LRRC1: variants seen among roughly 807,000 people sequenced by gnomAD.
LRRC1 encodes leucine rich repeat containing 1.
In LRRC1, 28 loss-of-function variants were observed where a neutral mutation model predicts 69.9. That is an observed-to-expected ratio of 0.40 (90% CI 0.30 to 0.55). The LOEUF is 0.55. Among genes scored for constraint, LRRC1 ranks in the 20% least tolerant of loss-of-function variants. The probability of loss-of-function intolerance (pLI) is 0.47; values close to 1 mark genes in which losing one functional copy is unlikely to be tolerated. For missense variants in LRRC1, 498 were observed against 609.0 expected (o/e 0.82, Z 1.92); for synonymous variants, 236 against 240.2 (o/e 0.98, Z 0.16).
chr6:53,853,196 G>C (rs904445069), intron 2 of LRRC1, among the ~76,000 whole-genome samples: 2 of 151,652 alleles, frequency 1.3e-5, no homozygotes, highest in African/African-American at 4.8e-5. Context: ...CCTTTTAATA[G>C]TATCACATTG....
chr6:53,887,100 C>T (rs1767511516), intron 4 of LRRC1, among the ~76,000 whole-genome samples: 1 of 152,078 alleles, frequency 6.6e-6, no homozygotes, highest in Admixed American at 6.5e-5. Flanking sequence ...ATGCTAGGAC[C>T]ACTTTAGCCT....
At chr6:53,907,508 T>G (rs1414578938) in intron 10 of LRRC1, among the ~76,000 whole-genome samples, 1 of 152,212 alleles carries the variant, frequency 6.6e-6, no homozygotes, top group African/African-American at 2.4e-5. Context: ...TTTTGTGGTG[T>G]TATTTGTAGT....
chr6:53,863,191 A>G (rs1286724465), intron 2 of LRRC1, among the ~76,000 whole-genome samples: 1 of 151,936 alleles, frequency 6.6e-6, no homozygotes, highest in African/African-American at 2.4e-5. Flanking sequence ...CCAGGTCTGG[A>G]TTCATGGTTT....
At chr6:53,891,257 GT>G (rs201091031) in intron 4 of LRRC1, among the ~76,000 whole-genome samples, 2 of 150,972 alleles carry the variant, frequency 1.3e-5, no homozygotes, top group African/African-American at 2.4e-5. Context: ...AGAAAGTCAT[GT>G]TTTTTTTTGG....
intron 1 of LRRC1, among the ~76,000 whole-genome samples, chr6:53,830,510 G>T (rs561509102): frequency 7.9e-5 from 12 of 152,314 alleles, no homozygotes; most frequent in Admixed American, 6.5e-4. Flanking sequence ...GAGCCAAAAT[G>T]TGGTGATCAG....
Position 53,904,448 on chromosome 6 carries a change from T to G in LRRC1, c.976T>G (p.Ser326Ala). 1 of 1,607,958 alleles carries G rather than the reference T, an allele frequency of 6.2e-7. No individual in the cohort carries two copies. The change falls in exon 10 of 14, where the codon TCC becomes GCC. Residue 326 changes from serine (S) to alanine (A), a missense_variant. Ser to Ala is a moderately conservative substitution (Grantham distance 99). Coordinates refer to ENST00000370888, the MANE Select transcript of LRRC1 (RefSeq NM_018214.5). ...NLNADRNKLVSLPKEIGGCCS... is the reference protein window; with the variant it reads ...NLNADRNKLVALPKEIGGCCS... ...GAATGCAGACAGAAATAAATTAGTG[T>G]CCTTACCAAAAGAGGTATGTGCTTT... is the stretch of plus-strand genomic sequence containing the variant.
At chr6:53,853,340 A>C (rs952032905) in intron 2 of LRRC1, among the ~76,000 whole-genome samples, 1 of 147,502 alleles carries the variant, frequency 6.8e-6, no homozygotes, top group African/African-American at 2.6e-5. Flanking sequence ...GCTGGAGCGC[A>C]ATGGTGTGAT....
chr6:53,795,939 T>C (rs145443895), intron 1 of LRRC1, among the ~76,000 whole-genome samples: 29 of 152,348 alleles, frequency 1.9e-4, no homozygotes, highest in Non-Finnish European at 4.0e-4. Flanking sequence ...AGGAATGTGC[T>C]CCGTGCTTTA....
At chr6:53,909,410 A>G (rs745603804) in intron 10 of LRRC1, among the ~76,000 whole-genome samples, 5 of 152,236 alleles carry the variant, frequency 3.3e-5, no homozygotes, top group Non-Finnish European at 4.4e-5. Flanking sequence ...GTGGTCCATA[A>G]AAGTCCTCTT....
chr6:53,882,771 AT>A, intron 3 of LRRC1, 115 bp from the exon 4 acceptor site: 1 of 622,148 alleles, frequency 1.6e-6, no homozygotes, highest in Non-Finnish European at 2.7e-6. Context: ...ATATAATGTC[AT>A]TTTTAGGAGG....
chr6:53,796,121 G>C (rs1562018977), intron 1 of LRRC1, among the ~76,000 whole-genome samples: 1 of 152,226 alleles, frequency 6.6e-6, no homozygotes. Context: ...CGTCAGCGGA[G>C]GCTCTGCCCG....
chr6:53,829,237 C>T (rs1344670032), intron 1 of LRRC1, among the ~76,000 whole-genome samples: 1 of 152,160 alleles, frequency 6.6e-6, no homozygotes, highest in Non-Finnish European at 1.5e-5. Flanking sequence ...GGTAATCTCT[C>T]TGTGCTTCAG....
chr6:53,822,361 C>G (rs769705072), intron 1 of LRRC1, among the ~76,000 whole-genome samples: 1 of 152,100 alleles, frequency 6.6e-6, no homozygotes, highest in Non-Finnish European at 1.5e-5. Flanking sequence ...TGAAGTACAC[C>G]CTTGGAAGGG....
At chr6:53,901,931 G>A (rs1273913391) in intron 8 of LRRC1, among the ~76,000 whole-genome samples, 1 of 152,224 alleles carries the variant, frequency 6.6e-6, no homozygotes, top group East Asian at 1.9e-4. Flanking sequence ...TTCTGATGTA[G>A]TGGGGAAAGT....
intron 2 of LRRC1, among the ~76,000 whole-genome samples, chr6:53,871,758 C>T (rs1282697357): frequency 6.6e-6 from 1 of 152,162 alleles, no homozygotes; most frequent in Non-Finnish European, 1.5e-5. Flanking sequence ...ACCTCTGCCT[C>T]CCAGGTTCAA....
At chr6:53,847,956 C>G (rs1195808342) in intron 2 of LRRC1, among the ~76,000 whole-genome samples, 1 of 152,028 alleles carries the variant, frequency 6.6e-6, no homozygotes, top group African/African-American at 2.4e-5. Context: ...AAGTTTTTAC[C>G]CATGCGGACT....
At chr6:53,798,147 A>G (rs1387684330) in intron 1 of LRRC1, among the ~76,000 whole-genome samples, 1 of 152,050 alleles carries the variant, frequency 6.6e-6, no homozygotes, top group Non-Finnish European at 1.5e-5. Context: ...CGGTTAAACT[A>G]CTCCTAAGCT....
intron 2 of LRRC1, among the ~76,000 whole-genome samples, chr6:53,870,888 A>G (rs1766861519): frequency 6.6e-6 from 1 of 152,128 alleles, no homozygotes; most frequent in Non-Finnish European, 1.5e-5. Flanking sequence ...AGATTATGTG[A>G]TATTTGTCTT....
At chr6:53,909,039 G>A (rs1768328059) in intron 10 of LRRC1, among the ~76,000 whole-genome samples, 2 of 152,188 alleles carry the variant, frequency 1.3e-5, no homozygotes, top group South Asian at 4.1e-4. Context: ...CGTACCCTTT[G>A]ATTCTGCAAT....
Sources: allele counts gnomAD v4.1 joint callset (sites outside exome capture counted in the v4.1 genomes callset), GRCh38; gene constraint gnomAD v4.1.1; transcripts MANE v1.5; gene names NCBI Gene and HGNC (gene_info 2026-07-23, HGNC 2026-07-21).